KIF26B: variants seen among roughly 807,000 people sequenced by gnomAD.
KIF26B encodes the protein kinesin family member 26B.
KIF26B carries 63 observed loss-of-function variants against 151.2 expected under a neutral mutation model. The observed-to-expected ratio is 0.42, with a 90% CI of 0.34 to 0.51. KIF26B has a LOEUF of 0.51. Among genes scored for constraint, KIF26B ranks in the 20% least tolerant of loss-of-function variants. The probability of loss-of-function intolerance (pLI) is 0.07; values close to 1 mark genes in which losing one functional copy is unlikely to be tolerated. For missense variants in KIF26B, 2,813 were observed against 2,913.6 expected, an observed-to-expected ratio of 0.97 and a Z score of 0.79; for synonymous variants, 1,357 against 1,262.1, an observed-to-expected ratio of 1.08 and a Z score of -1.59.
intron 5 of KIF26B, among the ~76,000 whole-genome samples, chr1:245,542,672 C>T (rs1402694346): frequency 3.9e-5 from 6 of 152,252 alleles, no homozygotes; most frequent in South Asian, 2.1e-4. Context: ...ATGGTTGATT[C>T]GCTGCCTTCT....
chr1:245,420,658 C>G (rs1426732684), intron 4 of KIF26B, among the ~76,000 whole-genome samples: 1 of 152,242 alleles, frequency 6.6e-6, no homozygotes, highest in African/African-American at 2.4e-5. Context: ...CCAGTTGCAG[C>G]AGTTCTGCCT....
intron 2 of KIF26B, among the ~76,000 whole-genome samples, chr1:245,162,492 T>C (rs1668549550): frequency 6.8e-6 from 1 of 146,240 alleles, no homozygotes; most frequent in African/African-American, 2.5e-5. Flanking sequence ...TTCAAGCAAT[T>C]CTCCTGCCTC....
rs145350156 is a variant in KIF26B, at chr1:245,302,002, T to C, written c.466-64832T>C. Among the ~76,000 whole-genome samples the C allele has an allele frequency of 4.0e-3, 603 of 152,328 alleles. 5 individuals are homozygous for C. Among genetic ancestry groups the C allele is most frequent in the African/African-American group, 0.014 (577 of 41,566 alleles). On this transcript the variant is annotated intron_variant, in intron 2 of 14. Transcript: ENST00000407071. ...TTGTTTCAGTCCTTCTAACCCATTC[T>C]CATTGTTTTCTGTCAGTGTTGGAAT... is the stretch of plus-strand genomic sequence containing the variant.
intron 3 of KIF26B, among the ~76,000 whole-genome samples, chr1:245,399,256 T>C (rs1324144608): frequency 2.0e-5 from 3 of 152,188 alleles, no homozygotes; most frequent in African/African-American, 7.2e-5. Flanking sequence ...TTATTTAGGG[T>C]ACATCTCATT....
Position 245,156,693 on chromosome 1 carries a change from G to C in KIF26B, c.465+10G>C. ...GCCCTTCCCGGGCAAGGTGAGCGCCGCGCGGGGCTGGCTGGGGAGGCGCCG... is the reference window on the plus strand; with the variant it reads ...GCCCTTCCCGGGCAAGGTGAGCGCCCCGCGGGGCTGGCTGGGGAGGCGCCG... On this transcript the variant is annotated intron_variant, in intron 2 of 14. Coordinates refer to ENST00000407071, the MANE Select transcript of KIF26B (RefSeq NM_018012.4). The C allele has an allele frequency of 1.4e-6, 2 of 1,467,680 alleles. No homozygotes were observed. The highest frequency in any genetic ancestry group is 1.8e-6 in the Non-Finnish European group (2 of 1,115,886). The allele number at this position is 1,467,680 out of a possible 1,614,324, so 90.9% of individuals were successfully genotyped here.
chr1:245,237,745 G>T (rs1670139520), intron 2 of KIF26B, among the ~76,000 whole-genome samples: 1 of 152,170 alleles, frequency 6.6e-6, no homozygotes, highest in African/African-American at 2.4e-5. Context: ...ATTGTAGCTG[G>T]GTGCAGTGTT....
rs776370167 is a variant in KIF26B, at chr1:245,646,197, A to C, written c.2175A>C (p.Gly725=). 5.0e-6 allele frequency: 8 copies of C among 1,613,816 alleles called. No individual in the cohort carries two copies. In the African/African-American group the frequency reaches 6.7e-5, roughly 13 times the overall value. Residue 725 remains glycine, a synonymous_variant, in exon 10 of 15, where the codon GGA becomes GGC. Coordinates refer to ENST00000407071, the MANE Select transcript of KIF26B (RefSeq NM_018012.4). ...CVKALSKNRE[G]GSGLCLSLSA... Reference sequence around the variant, plus strand: ...AAGCTCTTAGCAAAAATCGAGAAGGAGGCTCAGGGCTGTGTCTCTCGCTGT... The same window carrying C: ...AAGCTCTTAGCAAAAATCGAGAAGGCGGCTCAGGGCTGTGTCTCTCGCTGT...
chr1:245,230,104 G>A (rs1439872582), intron 2 of KIF26B, among the ~76,000 whole-genome samples: 1 of 151,416 alleles, frequency 6.6e-6, no homozygotes, highest in Non-Finnish European at 1.5e-5. Flanking sequence ...TTGCACTCCA[G>A]CCTGGGCGAT....
chr1:245,609,467 G>A lies in KIF26B; in HGVS notation c.1853G>A (p.Ser618Asn). 6.2e-7 allele frequency: 1 copy of A among 1,603,696 alleles called. No homozygotes were observed. The highest frequency in any genetic ancestry group is 1.1e-5 in the South Asian group (1 of 88,892). ...CTGCTGTCGGAGGTGGCCACGGGCAGCCTGCAGGACGGCCAGTCCCCGGGC... is the reference window on the plus strand; with the variant it reads ...CTGCTGTCGGAGGTGGCCACGGGCAACCTGCAGGACGGCCAGTCCCCGGGC... The part of the protein sequence containing the change: ...RDLLSEVATG[S>N]LQDGQSPGVY... The change falls in exon 8 of 15, where the codon AGC (serine) becomes AAC (asparagine). Residue 618 changes from serine (S) to asparagine (N), a missense_variant. Around this residue, in one of 3 missense-constraint regions of KIF26B, gnomAD observed 2,060 missense variants for 2,088.6 expected, o/e 0.99. Transcript: ENST00000407071.
Position 245,698,972 on chromosome 1 carries a change from T to C in KIF26B, c.6113T>C (p.Leu2038Pro). ...IAEVRAKYEW[L>P]MKELEATKQY... ...GAGGTCCGCGCGAAGTACGAGTGGC[T>C]GATGAAGGAGCTGGAGGCGACCAAA... is the stretch of plus-strand genomic sequence containing the variant. The change falls in exon 14 of 15, where the codon CTG (leucine) becomes CCG (proline). Residue 2038 changes from leucine to proline, a missense_variant. Leu to Pro is a moderately conservative substitution (Grantham distance 98). This residue lies in a region of KIF26B where 2,060 missense variants were observed against 2,088.6 expected (regional missense o/e 0.99). Coordinates refer to ENST00000407071, the MANE Select transcript of KIF26B (RefSeq NM_018012.4). The surrounding 1 kb of genome is among the most constrained non-coding windows in gnomAD (Gnocchi z 4.0). 6.2e-7 allele frequency: 1 copy of C among 1,614,036 alleles called. No homozygotes were observed. The highest frequency in any genetic ancestry group is 8.5e-7 in the Non-Finnish European group (1 of 1,179,898).
At chr1:245,303,158 T>C (rs1671462863) in intron 2 of KIF26B, among the ~76,000 whole-genome samples, 1 of 151,228 alleles carries the variant, frequency 6.6e-6, no homozygotes, top group Non-Finnish European at 1.5e-5. Flanking sequence ...AATTCCCTTA[T>C]CTGCTGTAAA....
intron 4 of KIF26B, among the ~76,000 whole-genome samples, chr1:245,478,849 G>A (rs1389195299): frequency 1.3e-5 from 2 of 151,818 alleles, no homozygotes; most frequent in African/African-American, 4.8e-5. Flanking sequence ...GATCAGACCA[G>A]GGTGGGAGCA....
chr1:245,424,267 C>T (rs1457062140), intron 4 of KIF26B, among the ~76,000 whole-genome samples: 2 of 152,158 alleles, frequency 1.3e-5, no homozygotes, highest in African/African-American at 2.4e-5. Flanking sequence ...GTGATTCTGC[C>T]TCAGCCTCCC....
At chr1:245,157,959 C>T (rs1417403747) in intron 2 of KIF26B, among the ~76,000 whole-genome samples, 1 of 152,222 alleles carries the variant, frequency 6.6e-6, no homozygotes, top group African/African-American at 2.4e-5. Flanking sequence ...AATACCAGGT[C>T]CATTCATGCA....
At chr1:245,402,579 C>A (rs545581811) in intron 3 of KIF26B, among the ~76,000 whole-genome samples, 1 of 152,132 alleles carries the variant, frequency 6.6e-6, no homozygotes, top group Non-Finnish European at 1.5e-5. Context: ...GAGTGCGATC[C>A]GTGAACCCAA....
chr1:245,258,667 T>C (rs1670582997), intron 2 of KIF26B, among the ~76,000 whole-genome samples: 1 of 152,130 alleles, frequency 6.6e-6, no homozygotes. Flanking sequence ...TCTCACAGCA[T>C]CTGACCCGGG....
chr1:245,176,531 G>T (rs1668811901), intron 2 of KIF26B, among the ~76,000 whole-genome samples: 2 of 152,218 alleles, frequency 1.3e-5, no homozygotes, highest in Non-Finnish European at 1.5e-5. Context: ...GGAGTTGGAG[G>T]GATGAAAGCT....
intron 2 of KIF26B, among the ~76,000 whole-genome samples, chr1:245,217,963 C>T (rs1288751683): frequency 1.3e-5 from 2 of 152,178 alleles, no homozygotes; most frequent in African/African-American, 2.4e-5. Flanking sequence ...AAATGAGCTG[C>T]CTGAGATTCA....
rs1191975867 is a variant in KIF26B at position 245,167,994 on chromosome 1, G to A, written c.465+11311G>A. Reference sequence around the variant, plus strand: ...GACTGTCCTTGGATCTGGGGACAGAGGTGCAGTCCTGCTTCCAGCACTGAT... The same window carrying A: ...GACTGTCCTTGGATCTGGGGACAGAAGTGCAGTCCTGCTTCCAGCACTGAT... On this transcript the variant is annotated intron_variant, in intron 2 of 14. Coordinates refer to ENST00000407071, the MANE Select transcript of KIF26B (RefSeq NM_018012.4). The surrounding 1 kb of genome is among the most constrained non-coding windows in gnomAD (Gnocchi z 4.2). Among the ~76,000 whole-genome samples the A allele has an allele frequency of 6.6e-6, 1 of 152,226 alleles. No individual in the cohort carries two copies. Among genetic ancestry groups the A allele is most frequent in the African/African-American group, 2.4e-5 (1 of 41,456 alleles).
Sources: allele counts gnomAD v4.1 joint callset (sites outside exome capture counted in the v4.1 genomes callset), GRCh38; gene constraint gnomAD v4.1.1; regional missense constraint gnomAD v4.1.1; non-coding constraint Gnocchi (gnomAD v3.1); transcripts MANE v1.5; gene names NCBI Gene and HGNC (gene_info 2026-07-23, HGNC 2026-07-21).